CALCR: variants seen among roughly 807,000 people sequenced by gnomAD.
CALCR encodes the protein calcitonin receptor.
CALCR carries 47 observed loss-of-function variants against 59.5 expected under a neutral mutation model. The observed-to-expected ratio is 0.79, with a 90% CI of 0.63 to 1.01. The LOEUF (loss-of-function observed/expected upper bound fraction) is 1.01, where lower values mean the gene tolerates loss of function less well. Ranked by LOEUF, CALCR falls within the 50% of genes least tolerant of loss-of-function variation. The pLI, the probability that CALCR is intolerant of heterozygous loss-of-function variation, is 0.00. For synonymous variants in CALCR, 213 were observed against 211.3 expected (o/e 1.01, Z -0.07); for missense variants, 566 against 597.1 (o/e 0.95, Z 0.54).
chr7:93,524,187 T>C (rs77800145), intron 2 of CALCR, among the ~76,000 whole-genome samples: 1 of 151,226 alleles, frequency 6.6e-6, no homozygotes, highest in Non-Finnish European at 1.5e-5. Context: ...TTTTTTTTTT[T>C]TGAGACGAGT....
intron 8 of CALCR, among the ~76,000 whole-genome samples, chr7:93,458,456 T>C (rs76827614): frequency 0.013 from 2,048 of 152,300 alleles, 15 homozygotes; most frequent in Non-Finnish European, 0.02. Flanking sequence ...TAGCTTCTAT[T>C]TGTGCTTCCA....
rs972183168 is a variant in CALCR at position 93,523,931 on chromosome 7, C to A, written c.-26-36924G>T. 2.6e-5 allele frequency among the ~76,000 whole-genome samples: 4 copies of A among 152,044 alleles called. No homozygotes were observed. The East Asian group carries it at 5.8e-4, about 22-fold the overall frequency. ...TGTGCATATTACTGCCTAATAATTT[C>A]TCTAATGGATGCTCATACTTTCTAG... On this transcript the variant is annotated intron_variant, in intron 2 of 13. Transcript: ENST00000426151.
chr7:93,573,466 T>G (rs1284637781), intron 2 of CALCR, among the ~76,000 whole-genome samples: 1 of 152,230 alleles, frequency 6.6e-6, no homozygotes, highest in Non-Finnish European at 1.5e-5. Flanking sequence ...CAGGGTCTCC[T>G]TAAGATCGGC....
At chr7:93,556,928 G>C (rs1411265682) in intron 2 of CALCR, among the ~76,000 whole-genome samples, 1 of 151,976 alleles carries the variant, frequency 6.6e-6, no homozygotes, top group Non-Finnish European at 1.5e-5. Context: ...ATGTAGAAAT[G>C]CTGAGCCAAA....
At chr7:93,474,666 G>A (rs1800626684) in intron 5 of CALCR, among the ~76,000 whole-genome samples, 2 of 151,720 alleles carry the variant, frequency 1.3e-5, no homozygotes, top group Admixed American at 1.3e-4. Flanking sequence ...GTTCTTCAAA[G>A]CACCCATTCG....
At chr7:93,493,708 C>CA (rs1400081364) in intron 2 of CALCR, among the ~76,000 whole-genome samples, 2 of 151,362 alleles carry the variant, frequency 1.3e-5, no homozygotes, top group Non-Finnish European at 3.0e-5. Context: ...TAACAAGCAC[C>CA]AGTGTGATCA....
chr7:93,551,200 ATTC>A (rs993318242), intron 2 of CALCR, among the ~76,000 whole-genome samples: 1 of 152,216 alleles, frequency 6.6e-6, no homozygotes, highest in Non-Finnish European at 1.5e-5. Context: ...GTTGAAGAAA[ATTC>A]TTTTTAAAAA....
In CALCR at chr7:93,574,390, C is replaced by G. The variant is rs1164328212; in HGVS notation, c.-128G>C. ...CAGGCGCTCAAGCTTCAGCGCCCAT[C>G]TCCTGGGCAGGAGATGTCAGCCGCA... On this transcript the variant is annotated 5_prime_UTR_variant, in exon 2 of 14. Coordinates refer to ENST00000426151, the MANE Select transcript of CALCR (RefSeq NM_001742.4). 2.6e-5 allele frequency: 4 copies of G among 152,234 alleles called. No homozygotes were observed. The highest frequency in any genetic ancestry group is 5.9e-5 in the Non-Finnish European group (4 of 68,078). The allele number at this position is 152,234 out of a possible 1,614,324, so 9.4% of individuals were successfully genotyped here.
chr7:93,502,391 G>T (rs1801336737), intron 2 of CALCR, among the ~76,000 whole-genome samples: 1 of 152,132 alleles, frequency 6.6e-6, no homozygotes, highest in Admixed American at 6.5e-5. Flanking sequence ...ATTTCACACT[G>T]ATTCTAGAAA....
chr7:93,491,940 A>G (rs1801087306), intron 2 of CALCR, among the ~76,000 whole-genome samples: 1 of 151,934 alleles, frequency 6.6e-6, no homozygotes, highest in Admixed American at 6.6e-5. Flanking sequence ...AACTATAAAG[A>G]CACATGCACA....
At chr7:93,536,475 G>A (rs1189660596) in intron 2 of CALCR, among the ~76,000 whole-genome samples, 3 of 151,742 alleles carry the variant, frequency 2.0e-5, no homozygotes, top group African/African-American at 7.2e-5. Context: ...AAACCTCTAA[G>A]AATTATAGAG....
At chr7:93,567,562 T>A (rs552455361) in intron 2 of CALCR, among the ~76,000 whole-genome samples, 61 of 152,022 alleles carry the variant, frequency 4.0e-4, no homozygotes, top group Admixed American at 1.1e-3. Context: ...GTTTTTTTTT[T>A]AATTATACTT....
chr7:93,556,034 G>T (rs1789596641), intron 2 of CALCR, among the ~76,000 whole-genome samples: 1 of 152,120 alleles, frequency 6.6e-6, no homozygotes, highest in Admixed American at 6.6e-5. Flanking sequence ...ACCAAATACT[G>T]CATCCTGCAA....
At chr7:93,558,577 CTT>C (rs1789664608) in intron 2 of CALCR, among the ~76,000 whole-genome samples, 1 of 151,958 alleles carries the variant, frequency 6.6e-6, no homozygotes, top group African/African-American at 2.4e-5. Flanking sequence ...TCTTGATAGT[CTT>C]TTAAATAAAG....
At chr7:93,460,483 G>A (rs1278319792) in intron 8 of CALCR, among the ~76,000 whole-genome samples, 1 of 148,568 alleles carries the variant, frequency 6.7e-6, no homozygotes, top group East Asian at 2.0e-4. Flanking sequence ...TTGAACCCGG[G>A]AGGCGGAGGT....
intron 8 of CALCR, among the ~76,000 whole-genome samples, chr7:93,459,609 C>T (rs150556609): frequency 1.3e-5 from 2 of 152,170 alleles, no homozygotes; most frequent in African/African-American, 4.8e-5. Flanking sequence ...GGGTATATTC[C>T]TCGGCTCCAC....
intron 2 of CALCR, among the ~76,000 whole-genome samples, chr7:93,510,175 C>T (rs6465385): frequency 0.82 from 124,300 of 152,050 alleles, 51,222 homozygotes; most frequent in African/African-American, 0.87. Flanking sequence ...TCGATAATTA[C>T]TTACATTGAT....
At chr7:93,516,982 G>A (rs1801663672) in intron 2 of CALCR, among the ~76,000 whole-genome samples, 1 of 151,824 alleles carries the variant, frequency 6.6e-6, no homozygotes, top group Admixed American at 6.6e-5. Flanking sequence ...ACTTGGGTAG[G>A]ACATTGCGGT....
intron 9 of CALCR, among the ~76,000 whole-genome samples, chr7:93,440,733 C>T (rs753267106): frequency 1.3e-5 from 2 of 151,792 alleles, no homozygotes; most frequent in Non-Finnish European, 2.9e-5. Flanking sequence ...TCAGGTCTGC[C>T]CTCTAAACAG....
Sources: gnomAD v4.1 joint callset for allele counts (sites outside exome capture counted in the v4.1 genomes callset) on GRCh38, gnomAD v4.1.1 for gene constraint, MANE v1.5 for transcripts, NCBI Gene and HGNC (gene_info 2026-07-23, HGNC 2026-07-21) for gene names.